The following DCTN4 variants were observed in gnomAD, a reference collection of about 807,000 sequenced individuals.
The protein encoded by DCTN4 is dynactin subunit 4.
A neutral mutation model predicts 62.7 loss-of-function variants in DCTN4; 23 were observed. That is an observed-to-expected ratio of 0.37 (90% CI 0.26 to 0.52). The LOEUF (loss-of-function observed/expected upper bound fraction) is 0.52, where lower values mean the gene tolerates loss of function less well. DCTN4 is among the 20% of genes least tolerant of loss of function. The pLI is 0.92. For synonymous variants in DCTN4, 199 were observed against 202.1 expected (o/e 0.98, Z 0.13); for missense variants, 514 against 580.4 (o/e 0.89, Z 1.18).
At chr5:150,711,455 C>A in intron 12 of DCTN4, 93 bp from the exon 13 acceptor site, 2 of 963,336 alleles carry the variant, frequency 2.1e-6, no homozygotes, top group South Asian at 1.5e-5. Context: ...TTATTCTTTC[C>A]TTCAGCACAC....
chr5:150,721,286 A>C (rs1236659555), intron 9 of DCTN4, among the ~76,000 whole-genome samples: 3 of 152,254 alleles, frequency 2.0e-5, no homozygotes, highest in Non-Finnish European at 4.4e-5. Context: ...GTTAATGGTT[A>C]ATCAGTTTGA....
chr5:150,753,678 CCATT>C, intron 2 of DCTN4, 21 bp from the exon 3 acceptor site: 1 of 1,596,576 alleles, frequency 6.3e-7, no homozygotes, highest in South Asian at 1.1e-5. Context: ...ACAAACACAA[CCATT>C]CATTCAACAA....
chr5:150,758,417 C>G, intron 1 of DCTN4: 1 of 990,430 alleles, frequency 1.0e-6, no homozygotes, highest in Non-Finnish European at 1.2e-6. Context: ...TGACGAGGGC[C>G]CAGTTTCTGG....
In DCTN4 at chr5:150,715,648, G is replaced by A; in HGVS notation, c.1086C>T (p.Pro362=). The change falls in exon 12 of 13, where the codon CCC becomes CCT. Residue 362 remains proline, a synonymous_variant. Coordinates refer to ENST00000447998, the MANE Select transcript of DCTN4 (RefSeq NM_016221.4). ...INSTAKVVVP[P]KELVLAGKDA... The stretch of plus-strand genomic sequence containing the variant: ...CCTTGCCAGCTAAAACGAGCTCTTT[G>A]GGAGGCACCACCACCTGGAGAGCAA... 3 of 1,614,094 alleles carry A rather than the reference G, an allele frequency of 1.9e-6. No homozygotes were observed. The highest frequency in any genetic ancestry group is 1.3e-5 in the African/African-American group (1 of 75,036).
chr5:150,722,799 AAT>A, intron 9 of DCTN4, 106 bp downstream of exon 9: 1 of 709,112 alleles, frequency 1.4e-6, no homozygotes, highest in Non-Finnish European at 2.3e-6. Flanking sequence ...ATTTTGATGT[AAT>A]TTTTTTTTTT....
intron 12 of DCTN4, among the ~76,000 whole-genome samples, chr5:150,714,976 G>A (rs1759701765): frequency 6.6e-6 from 1 of 152,214 alleles, no homozygotes; most frequent in East Asian, 1.9e-4. Context: ...CTACTTCAGT[G>A]TTCTTTTTCA....
rs768888790 is a variant in DCTN4, at chr5:150,756,533, T to C, written c.136-46A>G. ...AAAAAAAAACCAGAGGAGAACTCAG[T>C]TTAACTTGTGTATATGTCTTGTCAA... On this transcript the variant is annotated intron_variant, in intron 1 of 12. Transcript: ENST00000447998. The C allele has an allele frequency of 2.6e-5, 34 of 1,303,288 alleles. No individual in the cohort carries two copies. In the South Asian group the frequency reaches 4.0e-4, roughly 15 times the overall value. 80.7% of individuals were successfully genotyped at this position (1,303,288 alleles called of 1,614,324 possible).
chr5:150,752,159 G>T (rs1168494379), intron 3 of DCTN4, among the ~76,000 whole-genome samples: 2 of 152,074 alleles, frequency 1.3e-5, no homozygotes, highest in Non-Finnish European at 2.9e-5. Flanking sequence ...AGCAACTCAA[G>T]ATTTTATTAA....
intron 1 of DCTN4, among the ~76,000 whole-genome samples, chr5:150,757,034 T>C (rs1752889781): frequency 6.6e-6 from 1 of 152,196 alleles, no homozygotes; most frequent in Non-Finnish European, 1.5e-5. Context: ...TTATTGTACT[T>C]AAAAAACTGG....
At chr5:150,717,118 A>C (rs1269735880) in intron 11 of DCTN4, among the ~76,000 whole-genome samples, 1 of 152,208 alleles carries the variant, frequency 6.6e-6, no homozygotes, top group Non-Finnish European at 1.5e-5. Context: ...TGAATTATGA[A>C]TTAGTAATAG....
chr5:150,718,417 G>A (rs750185693), intron 10 of DCTN4, 34 bp from the exon 11 acceptor site: 6 of 1,504,272 alleles, frequency 4.0e-6, no homozygotes, highest in East Asian at 2.3e-5. Context: ...TCAGACATTC[G>A]CCACTTTCTT....
intron 12 of DCTN4, among the ~76,000 whole-genome samples, chr5:150,713,513 A>T (rs1333461353): frequency 1.4e-5 from 2 of 143,204 alleles, no homozygotes; most frequent in African/African-American, 5.3e-5. Flanking sequence ...GCGTGATCTG[A>T]GTTCACTGCA....
chr5:150,755,381 T>G (rs1481710883), intron 2 of DCTN4: 1 of 357,046 alleles, frequency 2.8e-6, no homozygotes. Flanking sequence ...TTCCAAAAAG[T>G]AGAGTACAAA....
intron 3 of DCTN4, among the ~76,000 whole-genome samples, chr5:150,752,676 G>A (rs1408886756): frequency 1.3e-5 from 2 of 152,058 alleles, no homozygotes; most frequent in African/African-American, 4.8e-5. Context: ...TAGGGAAGTC[G>A]AATACATCTT....
chr5:150,746,003 G>A (rs1297093345), intron 3 of DCTN4, among the ~76,000 whole-genome samples: 1 of 151,368 alleles, frequency 6.6e-6, no homozygotes, highest in Non-Finnish European at 1.5e-5. Flanking sequence ...GAATCCAGGA[G>A]CTGGTTTTTT....
At chr5:150,743,482 G>A (rs1427791370) in intron 3 of DCTN4, among the ~76,000 whole-genome samples, 3 of 152,162 alleles carry the variant, frequency 2.0e-5, no homozygotes, top group Non-Finnish European at 4.4e-5. Flanking sequence ...ATCTGAGAAC[G>A]GGCAGACTGC....
At chr5:150,731,645 C>T in intron 5 of DCTN4, 156 bp from the exon 6 acceptor site, 1 of 649,348 alleles carries the variant, frequency 1.5e-6, no homozygotes, top group Non-Finnish European at 2.6e-6. Flanking sequence ...CAATTTGTAG[C>T]CCCACATCAT....
chr5:150,715,601 T>C lies in DCTN4; in HGVS notation c.1133A>G (p.Glu378Gly). ...CTGAAAGTCTTGAGGTTCTGCCAAC[T>C]CATCGTACTCTGCTGCTGCATCCTT... The part of the protein sequence containing the change: ...AGKDAAAEYD[E>G]LAEPQDFQDD... Residue 378 changes from glutamate (E) to glycine (G), a missense_variant, in exon 12 of 13, where the codon GAG becomes GGG. By Grantham distance (98) the Glu-to-Gly change is moderately conservative. Transcript: ENST00000447998. 1.9e-6 allele frequency: 3 copies of C among 1,614,176 alleles called. No individual in the cohort carries two copies. Among genetic ancestry groups the C allele is most frequent in the Non-Finnish European group, 1.7e-6 (2 of 1,180,028 alleles).
At chr5:150,737,685 C>T (rs1160314432) in intron 4 of DCTN4, among the ~76,000 whole-genome samples, 2 of 152,110 alleles carry the variant, frequency 1.3e-5, no homozygotes, top group Non-Finnish European at 2.9e-5. Flanking sequence ...GTACAGGAGA[C>T]AATCTAGGGT....
Sources: gnomAD v4.1 joint callset for allele counts (sites outside exome capture counted in the v4.1 genomes callset) on GRCh38, gnomAD v4.1.1 for gene constraint, MANE v1.5 for transcripts, NCBI Gene and HGNC (gene_info 2026-07-23, HGNC 2026-07-21) for gene names.